UMAD1: variants seen among roughly 807,000 people sequenced by gnomAD.
UMAD1 encodes UBAP1-MVB12-associated (UMA) domain containing 1.
In UMAD1, 8 loss-of-function variants were observed where a neutral mutation model predicts 6.1. The observed-to-expected ratio is 1.30, with a 90% CI of 0.76 to 2.35. UMAD1 has a LOEUF of 2.35. Ranked by LOEUF, UMAD1 falls within the 30% of genes most tolerant of loss-of-function variation. The pLI, the probability that UMAD1 is intolerant of heterozygous loss-of-function variation, is 0.00. For missense variants in UMAD1, 130 were observed against 78.4 expected (o/e 1.66, Z -2.49); for synonymous variants, 56 against 31.4 (o/e 1.78, Z -2.61).
At chr7:7,665,647 A>G (rs1779426670) in intron 1 of UMAD1, among the ~76,000 whole-genome samples, 1 of 152,138 alleles carries the variant, frequency 6.6e-6, no homozygotes, top group African/African-American at 2.4e-5. Flanking sequence ...CACTTCCAAG[A>G]GTTTCCTGCT....
At chr7:7,641,700 C>A (rs1297184259) in intron 1 of UMAD1, 1 of 152,208 alleles carries the variant, frequency 6.6e-6, no homozygotes, top group Non-Finnish European at 1.5e-5. Flanking sequence ...AAAATACCTT[C>A]AAACGGTACG....
chr7:7,821,754 G>C (rs183145057), intron 3 of UMAD1, among the ~76,000 whole-genome samples: 217 of 152,256 alleles, frequency 1.4e-3, no homozygotes, highest in Non-Finnish European at 2.3e-3. Context: ...CCAAATGAGT[G>C]AACTGTACCT....
intron 1 of UMAD1, among the ~76,000 whole-genome samples, chr7:7,644,628 A>G (rs1050974003): frequency 2.0e-5 from 3 of 152,258 alleles, no homozygotes; most frequent in Middle Eastern, 3.4e-3. Flanking sequence ...ATTTGACTGT[A>G]TCACCTTTTT....
chr7:7,749,928 C>T (rs796382991), intron 2 of UMAD1, among the ~76,000 whole-genome samples: 1 of 152,126 alleles, frequency 6.6e-6, no homozygotes, highest in Non-Finnish European at 1.5e-5. Flanking sequence ...TGAAGGATCT[C>T]TTTCACCAAT....
At chr7:7,803,000 A>G (rs1465924259) in intron 3 of UMAD1, among the ~76,000 whole-genome samples, 2 of 152,244 alleles carry the variant, frequency 1.3e-5, no homozygotes, top group African/African-American at 4.8e-5. Context: ...GAAGAAAATC[A>G]TCTTTCTCAT....
intron 1 of UMAD1, among the ~76,000 whole-genome samples, chr7:7,661,486 G>A (rs1207972491): frequency 6.6e-6 from 1 of 152,098 alleles, no homozygotes; most frequent in African/African-American, 2.4e-5. Context: ...CCTTTCAGTG[G>A]GGTTTCTGAG....
intron 1 of UMAD1, among the ~76,000 whole-genome samples, chr7:7,651,327 C>A (rs1358073004): frequency 6.6e-6 from 1 of 152,040 alleles, no homozygotes; most frequent in Non-Finnish European, 1.5e-5. Flanking sequence ...CTTGGCTTGT[C>A]TTTTGGCTGG....
At chr7:7,697,759 T>A (rs1184816311) in intron 2 of UMAD1, among the ~76,000 whole-genome samples, 1 of 152,236 alleles carries the variant, frequency 6.6e-6, no homozygotes, top group Non-Finnish European at 1.5e-5. Flanking sequence ...TGAGATTTAC[T>A]GTATTTTTTC....
chr7:7,652,938 A>T (rs961895164), intron 1 of UMAD1, among the ~76,000 whole-genome samples: 2 of 152,216 alleles, frequency 1.3e-5, no homozygotes, highest in Non-Finnish European at 2.9e-5. Context: ...GAGCAAATAG[A>T]ATATTTTAAA....
At chr7:7,839,332 C>G (rs1448694517) in intron 3 of UMAD1, among the ~76,000 whole-genome samples, 2 of 152,080 alleles carry the variant, frequency 1.3e-5, no homozygotes, top group African/African-American at 4.8e-5. Flanking sequence ...CTGCCTCAGC[C>G]TCCCCCAAGC....
chr7:7,823,160 T>TTA (rs1563235436), intron 3 of UMAD1, among the ~76,000 whole-genome samples: 2 of 152,142 alleles, frequency 1.3e-5, no homozygotes, highest in African/African-American at 2.4e-5. Flanking sequence ...TTTTATATTG[T>TTA]TGTGCTTCAT....
At chr7:7,829,557 G>T (rs1446903367) in intron 3 of UMAD1, among the ~76,000 whole-genome samples, 1 of 152,144 alleles carries the variant, frequency 6.6e-6, no homozygotes, top group Non-Finnish European at 1.5e-5. Context: ...ACCTGAGCTA[G>T]AACTATAGCC....
chr7:7,787,799 C>A (rs1254315556), intron 2 of UMAD1, among the ~76,000 whole-genome samples: 1 of 152,184 alleles, frequency 6.6e-6, no homozygotes, highest in Admixed American at 6.5e-5. Context: ...TTGTAGAAAT[C>A]CCATCCAAAT....
chr7:7,867,791 G>A (rs966946820), intron 3 of UMAD1, among the ~76,000 whole-genome samples: 2 of 152,030 alleles, frequency 1.3e-5, no homozygotes, highest in South Asian at 2.1e-4. Context: ...GAGTTGAGTC[G>A]AATTTTAAAA....
intron 2 of UMAD1, among the ~76,000 whole-genome samples, chr7:7,796,541 G>A (rs1050814796): frequency 5.3e-5 from 8 of 152,056 alleles, no homozygotes; most frequent in Non-Finnish European, 8.8e-5. Context: ...GTGAGCCACC[G>A]TGCCCGGCCG....
intron 2 of UMAD1, among the ~76,000 whole-genome samples, chr7:7,777,892 T>G (rs1370334652): frequency 6.6e-6 from 1 of 152,160 alleles, no homozygotes; most frequent in Non-Finnish European, 1.5e-5. Context: ...TTCAGTAACA[T>G]ATCTAACTCT....
At chr7:7,667,521 T>G (rs944092678) in intron 1 of UMAD1, among the ~76,000 whole-genome samples, 3 of 152,182 alleles carry the variant, frequency 2.0e-5, no homozygotes, top group Non-Finnish European at 4.4e-5. Flanking sequence ...GTTGCAGTTT[T>G]TTTTCCCTAA....
intron 2 of UMAD1, among the ~76,000 whole-genome samples, chr7:7,796,619 A>G (rs1011103928): frequency 6.6e-6 from 1 of 152,232 alleles, no homozygotes; most frequent in East Asian, 1.9e-4. Flanking sequence ...CATTGTTCCT[A>G]TAGATAGGAT....
intron 2 of UMAD1, among the ~76,000 whole-genome samples, chr7:7,714,642 A>G (rs1780847170): frequency 6.6e-6 from 1 of 152,066 alleles, no homozygotes; most frequent in Non-Finnish European, 1.5e-5. Flanking sequence ...GTTGTGTACA[A>G]TGTATTATAT....
Sources: allele counts gnomAD v4.1 joint callset (sites outside exome capture counted in the v4.1 genomes callset), GRCh38; gene constraint gnomAD v4.1.1; transcripts MANE v1.5; gene names NCBI Gene and HGNC (gene_info 2026-07-23, HGNC 2026-07-21).